CACNB2: variants seen among roughly 807,000 people sequenced by gnomAD.
CACNB2 encodes calcium voltage-gated channel auxiliary subunit beta 2, also known as voltage-dependent L-type calcium channel subunit beta-2.
CACNB2 carries 42 observed loss-of-function variants against 73.3 expected under a neutral mutation model. That is an observed-to-expected ratio of 0.57 (90% CI 0.45 to 0.74). CACNB2 has a LOEUF of 0.74. CACNB2 is among the 30% of genes least tolerant of loss of function. CACNB2 has a pLI of 0.00. For synonymous variants in CACNB2, 348 were observed against 310.3 expected (o/e 1.12, Z -1.28); for missense variants, 940 against 853.0 (o/e 1.10, Z -1.27).
At chr10:18,524,220 GT>G (rs957144663) in intron 9 of CACNB2, among the ~76,000 whole-genome samples, 2 of 147,024 alleles carry the variant, frequency 1.4e-5, no homozygotes, top group Admixed American at 1.3e-4. Flanking sequence ...TTTTTTTTTT[GT>G]TTTTTTGTTT....
In CACNB2 at chr10:18,326,106, A is replaced by G. The variant is rs548751931; in HGVS notation, c.214-75818A>G. 2.0e-4 allele frequency among the ~76,000 whole-genome samples: 31 copies of G among 152,230 alleles called. 1 individual carries two copies. The South Asian group carries it at 4.8e-3, about 23-fold the overall frequency. On this transcript the variant is annotated intron_variant, in intron 2 of 13. Coordinates refer to ENST00000324631, the MANE Select transcript of CACNB2 (RefSeq NM_201596.3). ...TGCTAACCTGACTCTGTTGTCTTCTATTTTCAAGATAAATCATTAACAGAA... is the reference window on the plus strand; with the variant it reads ...TGCTAACCTGACTCTGTTGTCTTCTGTTTTCAAGATAAATCATTAACAGAA...
chr10:18,329,006 C>T (rs2040694513), intron 2 of CACNB2, among the ~76,000 whole-genome samples: 1 of 152,184 alleles, frequency 6.6e-6, no homozygotes, highest in Admixed American at 6.5e-5. Context: ...CTTGGAGAAC[C>T]CCTCACAAGA....
At chr10:18,221,136 G>T (rs2035776750) in intron 2 of CACNB2, among the ~76,000 whole-genome samples, 1 of 152,120 alleles carries the variant, frequency 6.6e-6, no homozygotes, top group South Asian at 2.1e-4. Context: ...TTATGCCTTT[G>T]GTAAGAGGTT....
At chr10:18,348,160 A>G (rs1244220295) in intron 2 of CACNB2, among the ~76,000 whole-genome samples, 2 of 152,230 alleles carry the variant, frequency 1.3e-5, no homozygotes, top group African/African-American at 4.8e-5. Context: ...CTTGGATAAC[A>G]TAACAAGATA....
chr10:18,500,911 C>T lies in CACNB2; in HGVS notation c.556C>T (p.His186Tyr). Residue 186 changes from histidine to tyrosine, a missense_variant, in exon 5 of 14, where the codon CAT becomes TAT. Coordinates refer to ENST00000324631, the MANE Select transcript of CACNB2 (RefSeq NM_201596.3). Reference sequence around the variant, plus strand: ...CAAACTAGAAAACATGAGGCTGCAGCATGAACAGAGAGCCAAGCAAGGGAA... The same window carrying T: ...CAAACTAGAAAACATGAGGCTGCAGTATGAACAGAGAGCCAAGCAAGGGAA... ...PVKLENMRLQ[H>Y]EQRAKQGKFY... 1 of 1,614,028 alleles carries T rather than the reference C, an allele frequency of 6.2e-7. No individual in the cohort carries two copies. The highest frequency in any genetic ancestry group is 2.2e-5 in the East Asian group (1 of 44,870).
chr10:18,359,718 A>G (rs2042068289), intron 2 of CACNB2, among the ~76,000 whole-genome samples: 1 of 151,718 alleles, frequency 6.6e-6, no homozygotes, highest in Non-Finnish European at 1.5e-5. Flanking sequence ...CCTGTGATCT[A>G]CATTAGGTAT....
At chr10:18,232,407 T>G (rs575805655) in intron 2 of CACNB2, among the ~76,000 whole-genome samples, 91 of 152,258 alleles carry the variant, frequency 6.0e-4, no homozygotes, top group African/African-American at 1.9e-3. Context: ...AGGTCACAGG[T>G]TTAACCGTGA....
At chr10:18,162,687 A>G (rs1030529165) in intron 2 of CACNB2, among the ~76,000 whole-genome samples, 5 of 152,206 alleles carry the variant, frequency 3.3e-5, no homozygotes, top group South Asian at 2.1e-4. Context: ...GGTCATAAAA[A>G]CCTTAGGTAA....
intron 5 of CACNB2, among the ~76,000 whole-genome samples, chr10:18,503,949 A>G (rs1024116721): frequency 3.3e-5 from 5 of 152,290 alleles, no homozygotes; most frequent in Admixed American, 2.0e-4. Flanking sequence ...CCCCTGGCTC[A>G]TGTCTTAGGA....
rs34198861 is a variant in CACNB2, at chr10:18,315,529, C to CTT, written c.214-86383_214-86382dup. On this transcript the variant is annotated intron_variant, in intron 2 of 13. Transcript: ENST00000324631. ...AAAAAAAAAAAAAAAAAAAAAAAAA[C>CTT]TTTTTTTTTTTTTAATTAGCCAGAT... Among the ~76,000 whole-genome samples, 68 of 65,578 alleles carry CTT rather than the reference C, an allele frequency of 1.0e-3. 6 individuals carry two copies. The highest frequency in any genetic ancestry group is 8.0e-3 in the South Asian group (13 of 1,624). The allele number at this position is 65,578 out of a possible 152,430, so 43.0% of individuals were successfully genotyped here.
intron 2 of CACNB2, among the ~76,000 whole-genome samples, chr10:18,350,089 CA>C (rs1199200082): frequency 1.3e-5 from 2 of 151,842 alleles, no homozygotes; most frequent in Non-Finnish European, 2.9e-5. Context: ...ACTAAAAATA[CA>C]AAAAATTAGC....
chr10:18,315,141 G>T (rs560782058), intron 2 of CACNB2, among the ~76,000 whole-genome samples: 28 of 151,992 alleles, frequency 1.8e-4, no homozygotes, highest in Non-Finnish European at 4.0e-4. Context: ...AGACCAGCCT[G>T]GCCAACACAG....
intron 9 of CACNB2, among the ~76,000 whole-genome samples, chr10:18,527,053 A>T (rs2052540799): frequency 6.6e-6 from 1 of 152,228 alleles, no homozygotes; most frequent in Non-Finnish European, 1.5e-5. Flanking sequence ...CTTATCTGAC[A>T]CTTGTAAGCA....
At chr10:18,220,420 C>T (rs2035744915) in intron 2 of CACNB2, among the ~76,000 whole-genome samples, 1 of 150,112 alleles carries the variant, frequency 6.7e-6, no homozygotes, top group Admixed American at 6.7e-5. Context: ...CCACCATGCC[C>T]AGCTAATTTT....
At chr10:18,428,450 G>T (rs1022660238) in intron 3 of CACNB2, among the ~76,000 whole-genome samples, 1 of 152,118 alleles carries the variant, frequency 6.6e-6, no homozygotes, top group Non-Finnish European at 1.5e-5. Flanking sequence ...ACTTTGGGAG[G>T]CCAAGGCGGG....
At chr10:18,418,162 C>A (rs982439241) in intron 3 of CACNB2, among the ~76,000 whole-genome samples, 2 of 152,164 alleles carry the variant, frequency 1.3e-5, no homozygotes, top group African/African-American at 4.8e-5. Flanking sequence ...GCAACCTCTG[C>A]CTCCCATGTT....
chr10:18,535,370 T>C (rs2053460042), intron 11 of CACNB2, among the ~76,000 whole-genome samples: 1 of 152,144 alleles, frequency 6.6e-6, no homozygotes, highest in African/African-American at 2.4e-5. Flanking sequence ...AACCAAAACA[T>C]GACATTGCAG....
chr10:18,361,601 A>G (rs1313215437), intron 2 of CACNB2, among the ~76,000 whole-genome samples: 1 of 150,608 alleles, frequency 6.6e-6, no homozygotes, highest in Non-Finnish European at 1.5e-5. Flanking sequence ...TATCCTGTCT[A>G]AGGTAAAATT....
intron 2 of CACNB2, among the ~76,000 whole-genome samples, chr10:18,342,194 CTG>C: frequency 6.6e-6 from 1 of 152,180 alleles, no homozygotes; most frequent in Admixed American, 6.5e-5. Context: ...CAGCGGAATT[CTG>C]TGAATTACGA....
Sources: gnomAD v4.1 joint callset for allele counts (sites outside exome capture counted in the v4.1 genomes callset) on GRCh38, gnomAD v4.1.1 for gene constraint, MANE v1.5 for transcripts, NCBI Gene and HGNC (gene_info 2026-07-23, HGNC 2026-07-21) for gene names.